NGEF: variants seen among roughly 807,000 people sequenced by gnomAD.
NGEF encodes the protein ephexin-1.
Under a neutral mutation model 80.9 loss-of-function variants are expected in NGEF, and 31 were observed. The ratio of observed to expected loss-of-function variants is 0.38; its 90% confidence interval spans 0.29 to 0.52. The LOEUF is 0.52. NGEF is among the 20% of genes least tolerant of loss of function. The pLI is 0.84. For synonymous variants in NGEF, 371 were observed against 370.2 expected, an observed-to-expected ratio of 1.00 and a Z score of -0.03; for missense variants, 709 against 926.2, an observed-to-expected ratio of 0.77 and a Z score of 3.04.
rs575083321 is a variant in NGEF at position 233,004,799 on chromosome 2, T to A, written c.-75+8269A>T. Among the ~76,000 whole-genome samples, 71 of 151,842 alleles carry A rather than the reference T, an allele frequency of 4.7e-4. 1 individual carries two copies. Among genetic ancestry groups the A allele is most frequent in the African/African-American group, 1.6e-3 (68 of 41,460 alleles). ...TTGCCTCAATTTCCCTTCCTCATCCTGCTGGGGGCCTTTCTTCGGGGCTGT... is the reference window on the plus strand; with the variant it reads ...TTGCCTCAATTTCCCTTCCTCATCCAGCTGGGGGCCTTTCTTCGGGGCTGT... On this transcript the variant is annotated intron_variant, in intron 1 of 14. Coordinates refer to ENST00000264051, the MANE Select transcript of NGEF (RefSeq NM_019850.3).
intron 1 of NGEF, among the ~76,000 whole-genome samples, chr2:232,982,057 G>A (rs1574652172): frequency 1.3e-5 from 2 of 152,344 alleles, no homozygotes; most frequent in East Asian, 3.9e-4. Flanking sequence ...GGAGGCCACA[G>A]CCCTGGGTGA....
intron 3 of NGEF, among the ~76,000 whole-genome samples, chr2:232,953,068 C>T (rs989834587): frequency 2.0e-5 from 3 of 149,040 alleles, no homozygotes; most frequent in Non-Finnish European, 3.0e-5. Flanking sequence ...CTTTGGGAGG[C>T]CAAGGTGGGC....
At chr2:232,999,606 G>C (rs1694927557) in intron 1 of NGEF, among the ~76,000 whole-genome samples, 1 of 152,236 alleles carries the variant, frequency 6.6e-6, no homozygotes, top group Non-Finnish European at 1.5e-5. Flanking sequence ...GAGAGCTGGG[G>C]ACAAGGATTG....
At chr2:232,928,615 T>C (rs1693147912) in intron 3 of NGEF, among the ~76,000 whole-genome samples, 1 of 151,970 alleles carries the variant, frequency 6.6e-6, no homozygotes, top group South Asian at 2.1e-4. Flanking sequence ...TTGTCTCTGC[T>C]CCAGGCGGAG....
At chr2:232,949,209 G>C (rs1338251230) in intron 3 of NGEF, among the ~76,000 whole-genome samples, 1 of 152,200 alleles carries the variant, frequency 6.6e-6, no homozygotes, top group East Asian at 1.9e-4. Context: ...TGAAGGCGGA[G>C]CTCTTGGTCC....
intron 1 of NGEF, among the ~76,000 whole-genome samples, chr2:232,983,337 T>G (rs1574653024): frequency 6.7e-6 from 1 of 149,788 alleles, no homozygotes. Context: ...GAGAGGAGGG[T>G]CCCCGAGCGG....
chr2:232,918,696 G>A (rs553364466), intron 5 of NGEF, among the ~76,000 whole-genome samples: 7 of 146,926 alleles, frequency 4.8e-5, no homozygotes, highest in Non-Finnish European at 8.9e-5. Context: ...GTGCAGTGGC[G>A]TGCTCTTGGC....
At chr2:232,936,778 C>T (rs987445448) in intron 3 of NGEF, among the ~76,000 whole-genome samples, 6 of 152,148 alleles carry the variant, frequency 3.9e-5, no homozygotes, top group Non-Finnish European at 7.3e-5. Flanking sequence ...AACTCTGTAT[C>T]CTTTCACCGT....
intron 1 of NGEF, among the ~76,000 whole-genome samples, chr2:233,007,344 G>C (rs570075369): frequency 4.2e-4 from 64 of 152,322 alleles, no homozygotes; most frequent in African/African-American, 1.5e-3. Context: ...GGGGAACAAA[G>C]GTAGATAATG....
At position 232,927,198 on chromosome 2, in the gene NGEF, G is replaced by A. The variant is rs1291907300; in HGVS notation, c.384-12C>T. 1.3e-6 allele frequency: 2 copies of A among 1,572,740 alleles called. No individual in the cohort carries two copies. Among genetic ancestry groups the A allele is most frequent in the East Asian group, 2.3e-5 (1 of 44,372 alleles). ...TGGAGGACGACTCACTGCCAGAGAG[G>A]GAGGAGGACAGGGGCTGGTTATTTT... On this transcript the variant is annotated splice_polypyrimidine_tract_variant and intron_variant, in intron 3 of 14. Coordinates refer to ENST00000264051, the MANE Select transcript of NGEF (RefSeq NM_019850.3).
intron 3 of NGEF, among the ~76,000 whole-genome samples, chr2:232,962,544 A>G (rs1021235939): frequency 6.6e-6 from 1 of 151,978 alleles, no homozygotes; most frequent in African/African-American, 2.4e-5. Context: ...GTGAGACTCC[A>G]TCTCAAAAAG....
In NGEF at chr2:232,893,055, G is replaced by A. The variant is rs548487043; in HGVS notation, c.990-5C>T. ...TGCTCCAGCTCCAGGAGGAACCTACGAGAGGCAGCGGCTTGAGGCGGAGGG... is the reference window on the plus strand; with the variant it reads ...TGCTCCAGCTCCAGGAGGAACCTACAAGAGGCAGCGGCTTGAGGCGGAGGG... On this transcript the variant is annotated splice_polypyrimidine_tract_variant and splice_region_variant and intron_variant, in intron 6 of 14. Coordinates refer to ENST00000264051, the MANE Select transcript of NGEF (RefSeq NM_019850.3). 13 of 1,609,816 alleles carry A rather than the reference G, an allele frequency of 8.1e-6. No individual in the cohort carries two copies. Among genetic ancestry groups the A allele is most frequent in the Non-Finnish European group, 5.9e-6 (7 of 1,177,574 alleles).
intron 5 of NGEF, among the ~76,000 whole-genome samples, chr2:232,907,963 A>C (rs1456554531): frequency 1.3e-5 from 2 of 152,112 alleles, no homozygotes; most frequent in Non-Finnish European, 2.9e-5. Context: ...ATAAAAAATT[A>C]GCCAGGTGTT....
In NGEF at chr2:232,883,476, AG is replaced by A; in HGVS notation, c.1602-11del. ...TACCTGGTACTTGTCTCTGGAGATCAGGGAGAAGGGCAGGCGTGTCAGCCCC... is the reference window on the plus strand; with the variant it reads ...TACCTGGTACTTGTCTCTGGAGATCAGGAGAAGGGCAGGCGTGTCAGCCCC... On this transcript the variant is annotated splice_polypyrimidine_tract_variant and intron_variant, in intron 11 of 14. Coordinates refer to ENST00000264051, the MANE Select transcript of NGEF (RefSeq NM_019850.3). 6.3e-7 allele frequency: 1 copy of A among 1,579,182 alleles called. No homozygotes were observed. Among genetic ancestry groups the A allele is most frequent in the Non-Finnish European group, 8.6e-7 (1 of 1,161,906 alleles).
chr2:232,980,160 G>A (rs1694383314), intron 1 of NGEF, among the ~76,000 whole-genome samples: 1 of 152,198 alleles, frequency 6.6e-6, no homozygotes, highest in African/African-American at 2.4e-5. Context: ...CTGTCTCTGT[G>A]TTAGTTGTGC....
chr2:232,881,124 A>G, intron 14 of NGEF, 22 bp downstream of exon 14: 1 of 1,604,070 alleles, frequency 6.2e-7, no homozygotes, highest in Non-Finnish European at 8.5e-7. Flanking sequence ...GGGGGCCCCG[A>G]GGGGAGGTCC....
chr2:232,888,486 T>C (rs1043798174), intron 8 of NGEF, among the ~76,000 whole-genome samples: 1 of 151,662 alleles, frequency 6.6e-6, no homozygotes, highest in African/African-American at 2.4e-5. Flanking sequence ...TGCACACACA[T>C]GTACACACGT....
At chr2:232,887,165 C>T (rs961225513) in intron 9 of NGEF, among the ~76,000 whole-genome samples, 10 of 152,214 alleles carry the variant, frequency 6.6e-5, no homozygotes, top group South Asian at 2.1e-4. Flanking sequence ...GGACATCCCC[C>T]GCCTTGCTCT....
chr2:232,994,426 G>A (rs1319204488), intron 1 of NGEF, among the ~76,000 whole-genome samples: 1 of 151,198 alleles, frequency 6.6e-6, no homozygotes, highest in Non-Finnish European at 1.5e-5. Flanking sequence ...TAGAAGTTTT[G>A]AACACTGGTT....
Sources: allele counts gnomAD v4.1 joint callset (sites outside exome capture counted in the v4.1 genomes callset), GRCh38; gene constraint gnomAD v4.1.1; transcripts MANE v1.5; gene names NCBI Gene and HGNC (gene_info 2026-07-23, HGNC 2026-07-21).